Variants in DSCAM observed in about 807,000 individuals in gnomAD.
The protein encoded by DSCAM is DS cell adhesion molecule, also known as cell adhesion molecule DSCAM.
Under a neutral mutation model 217.7 loss-of-function variants are expected in DSCAM, and 47 were observed. The observed-to-expected ratio is 0.22, with a 90% confidence interval of 0.17 to 0.28. DSCAM has a LOEUF of 0.28. Among genes scored for constraint, DSCAM ranks in the 10% least tolerant of loss-of-function variants. The pLI is 1.00. For missense variants in DSCAM, 2,080 were observed against 2,618.3 expected (o/e 0.79, Z 4.49); for synonymous variants, 1,056 against 1,015.3 (o/e 1.04, Z -0.76).
Position 40,213,411 on chromosome 21 carries a change from A to G in DSCAM, c.2357-24173T>C, listed in dbSNP as rs537427032. On this transcript the variant is annotated intron_variant, in intron 11 of 32. Coordinates refer to ENST00000400454, the MANE Select transcript of DSCAM (RefSeq NM_001389.5). ...CTGTCAGGACTGTAATGAGGTTTGC[A>G]TGAATAAACAGCTTTAGAAACAGCT... Among the ~76,000 whole-genome samples the G allele has an allele frequency of 7.9e-5, 12 of 152,318 alleles. No homozygotes were observed. In the South Asian group the frequency reaches 1.4e-3, roughly 18 times the overall value.
intron 10 of DSCAM, among the ~76,000 whole-genome samples, chr21:40,281,722 T>C (rs978043391): frequency 3.3e-5 from 5 of 152,218 alleles, no homozygotes; most frequent in African/African-American, 1.2e-4. Flanking sequence ...GGATTTTTTT[T>C]GTATTTTTGT....
intron 3 of DSCAM, among the ~76,000 whole-genome samples, chr21:40,519,897 A>G (rs1209151328): frequency 6.6e-6 from 1 of 151,808 alleles, no homozygotes; most frequent in Non-Finnish European, 1.5e-5. Flanking sequence ...CATATAAAAT[A>G]CCCTGTTGAT....
intron 3 of DSCAM, among the ~76,000 whole-genome samples, chr21:40,556,923 C>T (rs2076677034): frequency 6.6e-6 from 1 of 152,018 alleles, no homozygotes; most frequent in South Asian, 2.1e-4. Flanking sequence ...ATCATCTTCT[C>T]ATTGAGTAGG....
intron 8 of DSCAM, 90 bp downstream of exon 8, chr21:40,338,011 G>C: frequency 6.7e-7 from 1 of 1,501,670 alleles, no homozygotes; most frequent in Non-Finnish European, 9.1e-7. Context: ...TAAATAAGCA[G>C]ATCTTGGATT....
In DSCAM at chr21:40,117,001, C is replaced by CAAAAA. The variant is rs534100380; in HGVS notation, c.3696+7189_3696+7193dup. Among the ~76,000 whole-genome samples the CAAAAA allele has an allele frequency of 3.3e-4, 11 of 33,174 alleles. 2 individuals are homozygous for CAAAAA. Among genetic ancestry groups the CAAAAA allele is most frequent in the African/African-American group, 1.2e-3 (11 of 9,426 alleles). 21.8% of individuals were successfully genotyped at this position (33,174 alleles called of 152,430 possible). ...TGGGTGACAGAGTGAGACTCTGTCTCAAAAAAAAAAAAAAAAAAAAAAAAA... is the reference window on the plus strand; with the variant it reads ...TGGGTGACAGAGTGAGACTCTGTCTCAAAAAAAAAAAAAAAAAAAAAAAAAAAAAA... On this transcript the variant is annotated intron_variant, in intron 20 of 32. Transcript: ENST00000400454.
intron 3 of DSCAM, among the ~76,000 whole-genome samples, chr21:40,504,051 T>C (rs549241912): frequency 1.3e-5 from 2 of 152,298 alleles, no homozygotes; most frequent in Non-Finnish European, 2.9e-5. Context: ...TAAACGTTTC[T>C]GGTAGAACAA....
At chr21:40,302,293 C>T (rs766631184) in intron 9 of DSCAM, among the ~76,000 whole-genome samples, 13 of 151,924 alleles carry the variant, frequency 8.6e-5, no homozygotes, top group Non-Finnish European at 1.6e-4. Context: ...CCACGGGGGG[C>T]GGATCTTTCC....
chr21:40,579,000 A>G (rs1020364258), intron 3 of DSCAM, among the ~76,000 whole-genome samples: 1 of 152,142 alleles, frequency 6.6e-6, no homozygotes, highest in African/African-American at 2.4e-5. Flanking sequence ...ATGCAAACAA[A>G]ACAACAATAT....
At chr21:40,018,531 T>C (rs2088205442) in intron 32 of DSCAM, among the ~76,000 whole-genome samples, 1 of 152,186 alleles carries the variant, frequency 6.6e-6, no homozygotes, top group African/African-American at 2.4e-5. Flanking sequence ...GCAACAGATT[T>C]GGGGATAAAT....
intron 9 of DSCAM, 104 bp downstream of exon 9, chr21:40,311,960 TAGTGAGATAAAACTGAA>T: frequency 3.1e-6 from 1 of 321,024 alleles, no homozygotes; most frequent in Non-Finnish European, 4.8e-6. Context: ...TTTTTTTTTT[TAGTGAGATAAAACTGAA>T]TTTCTAAGTT....
chr21:40,412,455 G>A (rs2075331882), intron 3 of DSCAM, among the ~76,000 whole-genome samples: 1 of 152,222 alleles, frequency 6.6e-6, no homozygotes, highest in Admixed American at 6.5e-5. Context: ...GGTGGTCTCA[G>A]ATGGAGATGA....
At chr21:40,469,929 A>T (rs1293669159) in intron 3 of DSCAM, among the ~76,000 whole-genome samples, 3 of 152,206 alleles carry the variant, frequency 2.0e-5, no homozygotes, top group Non-Finnish European at 2.9e-5. Context: ...GGTTCAGTGG[A>T]AAAAACGGTT....
chr21:40,756,858 C>T (rs2146573879), intron 1 of DSCAM, among the ~76,000 whole-genome samples: 1 of 152,210 alleles, frequency 6.6e-6, no homozygotes, highest in East Asian at 1.9e-4. Flanking sequence ...AAAGGCCATA[C>T]AGTTTGCACA....
At chr21:40,716,560 A>G (rs575823409) in intron 1 of DSCAM, among the ~76,000 whole-genome samples, 59 of 152,374 alleles carry the variant, frequency 3.9e-4, no homozygotes, top group African/African-American at 1.3e-3. Context: ...AGACTTCTCA[A>G]TATTTTACAT....
rs74586635 is a variant in DSCAM, at chr21:40,311,290, T to C, written c.2062+791A>G. Among the ~76,000 whole-genome samples the C allele has an allele frequency of 5.5e-3, 831 of 152,348 alleles. 3 individuals carry two copies. The highest frequency in any genetic ancestry group is 0.015 in the African/African-American group (613 of 41,586). The stretch of plus-strand genomic sequence containing the variant: ...GATGAATATTGTAATGGTAGATTAA[T>C]GTATAGTACTCTTGGAGAATCATAA... On this transcript the variant is annotated intron_variant, in intron 9 of 32. Transcript: ENST00000400454.
chr21:40,397,499 C>A (rs917458788), intron 3 of DSCAM, among the ~76,000 whole-genome samples: 1 of 152,104 alleles, frequency 6.6e-6, no homozygotes, highest in African/African-American at 2.4e-5. Flanking sequence ...AGCAGATGCC[C>A]AATGCCATGC....
chr21:40,167,177 G>A, intron 16 of DSCAM, 41 bp downstream of exon 16: 1 of 1,575,900 alleles, frequency 6.3e-7, no homozygotes, highest in Non-Finnish European at 8.7e-7. Flanking sequence ...GGCTCGCCCT[G>A]GGGGGAAAGC....
At chr21:40,350,045 C>T (rs1382739230) in intron 5 of DSCAM, among the ~76,000 whole-genome samples, 1 of 151,750 alleles carries the variant, frequency 6.6e-6, no homozygotes, top group Non-Finnish European at 1.5e-5. Context: ...TAATCTTCTC[C>T]TATTATTATT....
At chr21:40,272,062 G>A (rs1194628981) in intron 11 of DSCAM, among the ~76,000 whole-genome samples, 1 of 150,894 alleles carries the variant, frequency 6.6e-6, no homozygotes, top group Non-Finnish European at 1.5e-5. Context: ...TATTTTCCTC[G>A]ATTGACAGAG....
Sources: gnomAD v4.1 joint callset for allele counts (sites outside exome capture counted in the v4.1 genomes callset) on GRCh38, gnomAD v4.1.1 for gene constraint, MANE v1.5 for transcripts, NCBI Gene and HGNC (gene_info 2026-07-23, HGNC 2026-07-21) for gene names.